Variants in DLC1 observed in about 807,000 individuals in gnomAD.
The protein encoded by DLC1 is rho GTPase-activating protein 7.
A neutral mutation model predicts 140.3 loss-of-function variants in DLC1; 54 were observed. The observed-to-expected ratio is 0.38, with a 90% CI of 0.31 to 0.48. The LOEUF (loss-of-function observed/expected upper bound fraction) is 0.48. Ranked by LOEUF, DLC1 falls within the 20% of genes least tolerant of loss-of-function variation. The pLI is 0.96. For missense variants in DLC1, 2,536 were observed against 1,907.0 expected, an observed-to-expected ratio of 1.33 and a Z score of -6.14; for synonymous variants, 986 against 728.1, an observed-to-expected ratio of 1.35 and a Z score of -5.70.
intron 2 of DLC1, among the ~76,000 whole-genome samples, chr8:13,433,695 A>G (rs1250554494): frequency 2.6e-5 from 4 of 152,174 alleles, no homozygotes; most frequent in East Asian, 3.8e-4. Flanking sequence ...TTTTTGTCCT[A>G]TAAATTTTGA....
chr8:13,272,979 G>A (rs1831003589), intron 5 of DLC1, among the ~76,000 whole-genome samples: 1 of 152,136 alleles, frequency 6.6e-6, no homozygotes, highest in Non-Finnish European at 1.5e-5. Flanking sequence ...CGGTATACTA[G>A]TACATCATAA....
Position 13,443,073 on chromosome 8 carries a change from A to G in DLC1, c.1024-41454T>C, listed in dbSNP as rs565331753. ...TTTGTAGGGACATGGATGAAGCTGG[A>G]AACCATCATTCTCAGCAAACTATCT... On this transcript the variant is annotated intron_variant, in intron 2 of 17. Transcript: ENST00000276297. Among the ~76,000 whole-genome samples the G allele has an allele frequency of 1.7e-4, 26 of 152,192 alleles. No homozygotes were observed. The East Asian group carries it at 4.9e-3, about 28-fold the overall frequency.
intron 5 of DLC1, among the ~76,000 whole-genome samples, chr8:13,274,621 A>T (rs1351180396): frequency 1.3e-5 from 2 of 152,234 alleles, no homozygotes; most frequent in African/African-American, 4.8e-5. Flanking sequence ...AAATAAGAAG[A>T]AAGAGAACAA....
At chr8:13,555,361 A>G (rs1215492070) in intron 1 of DLC1, among the ~76,000 whole-genome samples, 1 of 152,308 alleles carries the variant, frequency 6.6e-6, no homozygotes, top group East Asian at 1.9e-4. Flanking sequence ...CAAATGGAAG[A>G]AAAATGGTGG....
At chr8:13,148,736 T>G (rs1234312495) in intron 5 of DLC1, among the ~76,000 whole-genome samples, 1 of 152,162 alleles carries the variant, frequency 6.6e-6, no homozygotes, top group Admixed American at 6.5e-5. Flanking sequence ...TTCTCATTCT[T>G]CTATGCATTT....
intron 4 of DLC1, among the ~76,000 whole-genome samples, chr8:13,309,725 C>T (rs1832593744): frequency 6.6e-6 from 1 of 152,066 alleles, no homozygotes; most frequent in African/African-American, 2.4e-5. Context: ...CCAGGAGAAC[C>T]TCAGATGGAC....
intron 4 of DLC1, among the ~76,000 whole-genome samples, chr8:13,346,482 C>G (rs1834345251): frequency 1.3e-5 from 2 of 152,172 alleles, no homozygotes; most frequent in South Asian, 4.1e-4. Context: ...TCACAGACGG[C>G]AAAAACTACC....
chr8:13,352,261 A>G (rs78685753), intron 4 of DLC1, among the ~76,000 whole-genome samples: 9,520 of 152,342 alleles, frequency 0.062, 368 homozygotes, highest in Non-Finnish European at 0.085. Flanking sequence ...ACATGCATAG[A>G]AAGTCAGCAA....
intron 5 of DLC1, among the ~76,000 whole-genome samples, chr8:13,175,844 ACTCCCTCCTG>A (rs1466606246): frequency 6.6e-6 from 1 of 151,946 alleles, no homozygotes; most frequent in African/African-American, 2.4e-5. Context: ...CCAAAGTGGA[ACTCCCTCCTG>A]CTTTCCTTCC....
chr8:13,437,591 G>C (rs1285440693), intron 2 of DLC1, among the ~76,000 whole-genome samples: 1 of 152,070 alleles, frequency 6.6e-6, no homozygotes, highest in Non-Finnish European at 1.5e-5. Flanking sequence ...CTATGCCTGA[G>C]GCTATGAAGG....
At chr8:13,535,240 T>C (rs1032786782) in intron 1 of DLC1, among the ~76,000 whole-genome samples, 1 of 151,516 alleles carries the variant, frequency 6.6e-6, no homozygotes, top group African/African-American at 2.4e-5. Flanking sequence ...TGTACATCTC[T>C]GTGGGTGCGA....
chr8:13,443,340 A>G (rs1392883647), intron 2 of DLC1, among the ~76,000 whole-genome samples: 1 of 100,390 alleles, frequency 1.0e-5, no homozygotes, highest in East Asian at 3.9e-4. Context: ...GTACCCTAAA[A>G]CTTAAAAAAA....
intron 5 of DLC1, chr8:13,132,942 A>G (rs1822245454): frequency 6.2e-7 from 1 of 1,607,642 alleles, no homozygotes; most frequent in African/African-American, 1.3e-5. Flanking sequence ...AGTCTAGCTT[A>G]CGTGTTAGGA....
Position 13,100,048 on chromosome 8 carries a change from C to G in DLC1, c.2289G>C (p.Arg763=). ...VSTPSPVTRT[R]SLSACNKRVG... Reference sequence around the variant, plus strand: ...CCCGCTTGTTGCACGCACTGAGGCTCCGGGTCCTCGTAACAGGGCTGGGCG... The same window carrying G: ...CCCGCTTGTTGCACGCACTGAGGCTGCGGGTCCTCGTAACAGGGCTGGGCG... Residue 763 remains arginine, a synonymous_variant, in exon 9 of 18, where the codon CGG becomes CGC. Transcript: ENST00000276297. 1 of 1,613,278 alleles carries G rather than the reference C, an allele frequency of 6.2e-7. No homozygotes were observed. Among genetic ancestry groups the G allele is most frequent in the Non-Finnish European group, 8.5e-7 (1 of 1,180,040 alleles).
intron 4 of DLC1, among the ~76,000 whole-genome samples, chr8:13,351,166 A>G (rs1029963768): frequency 3.9e-5 from 6 of 152,234 alleles, no homozygotes; most frequent in Admixed American, 3.9e-4. Context: ...TTATTCAGCA[A>G]ACATGTGTAT....
At chr8:13,101,706 G>A (rs1021916754) in intron 8 of DLC1, among the ~76,000 whole-genome samples, 2 of 152,120 alleles carry the variant, frequency 1.3e-5, no homozygotes, top group Non-Finnish European at 2.9e-5. Context: ...GACCTGTGAA[G>A]TTTCAACCTC....
intron 4 of DLC1, among the ~76,000 whole-genome samples, chr8:13,360,175 G>C (rs1835155678): frequency 6.6e-6 from 1 of 152,060 alleles, no homozygotes; most frequent in Non-Finnish European, 1.5e-5. Flanking sequence ...GTAAAATGAA[G>C]ATAATACCTG....
intron 5 of DLC1, among the ~76,000 whole-genome samples, chr8:13,173,652 G>A (rs900520179): frequency 6.6e-6 from 1 of 152,160 alleles, no homozygotes; most frequent in African/African-American, 2.4e-5. Context: ...TTACAGGCTT[G>A]AGCCACCGCG....
At chr8:13,514,931 T>C (rs1802534919), upstream of DLC1, 2 of 297,734 alleles carry the variant, frequency 6.7e-6, no homozygotes, top group Admixed American at 5.1e-5. Context: ...GTGTGCATGC[T>C]AGAAAGGCTG....
Sources: gnomAD v4.1 joint callset for allele counts (sites outside exome capture counted in the v4.1 genomes callset) on GRCh38, gnomAD v4.1.1 for gene constraint, MANE v1.5 for transcripts, NCBI Gene and HGNC (gene_info 2026-07-23, HGNC 2026-07-21) for gene names.